CNTN4: variants seen among roughly 807,000 people sequenced by gnomAD.
The protein encoded by CNTN4 is contactin 4.
A neutral mutation model predicts 122.5 loss-of-function variants in CNTN4; 77 were observed. The observed-to-expected ratio is 0.63, with a 90% confidence interval of 0.52 to 0.76. CNTN4 has a LOEUF of 0.76. Ranked by LOEUF, CNTN4 falls within the 30% of genes least tolerant of loss-of-function variation. The pLI is 0.00. For missense variants in CNTN4, 1,256 were observed against 1,259.1 expected (o/e 1.00, Z 0.04); for synonymous variants, 512 against 447.0 (o/e 1.15, Z -1.83).
intron 8 of CNTN4, among the ~76,000 whole-genome samples, chr3:2,876,449 T>G (rs2093845882): frequency 6.6e-6 from 1 of 152,234 alleles, no homozygotes; most frequent in Non-Finnish European, 1.5e-5. Flanking sequence ...GTGGAACTTT[T>G]CATAAAACAA....
chr3:2,291,764 C>T (rs776810468), intron 2 of CNTN4, among the ~76,000 whole-genome samples: 7 of 151,966 alleles, frequency 4.6e-5, no homozygotes, highest in Non-Finnish European at 8.8e-5. Flanking sequence ...GATAGAGTCT[C>T]GCTCTGTTGT....
intron 3 of CNTN4, among the ~76,000 whole-genome samples, chr3:2,507,896 C>A (rs1002820030): frequency 6.6e-6 from 1 of 151,942 alleles, no homozygotes. Context: ...CACACACACA[C>A]CCCCTCAAAT....
chr3:2,531,481 A>G (rs1174774726), intron 3 of CNTN4, among the ~76,000 whole-genome samples: 3 of 152,186 alleles, frequency 2.0e-5, no homozygotes, highest in Non-Finnish European at 4.4e-5. Flanking sequence ...GTCTTTAGGG[A>G]TCCAAGCTGT....
At chr3:2,827,008 A>G (rs2093001815) in intron 7 of CNTN4, among the ~76,000 whole-genome samples, 1 of 152,032 alleles carries the variant, frequency 6.6e-6, no homozygotes, top group Non-Finnish European at 1.5e-5. Context: ...TAAACCTCCA[A>G]CCATAACATG....
intron 2 of CNTN4, among the ~76,000 whole-genome samples, chr3:2,237,435 T>C (rs966822396): frequency 2.0e-5 from 3 of 152,070 alleles, no homozygotes; most frequent in Non-Finnish European, 2.9e-5. Flanking sequence ...AACCCACCAC[T>C]GCACTCCAGA....
intron 4 of CNTN4, among the ~76,000 whole-genome samples, chr3:2,583,753 A>G (rs1260272805): frequency 1.8e-4 from 27 of 152,196 alleles, no homozygotes. Context: ...AATTTGTTAA[A>G]CACCTATATT....
chr3:2,205,568 G>A (rs2038303616), intron 2 of CNTN4, among the ~76,000 whole-genome samples: 2 of 151,914 alleles, frequency 1.3e-5, no homozygotes, highest in African/African-American at 4.8e-5. Context: ...TCAATCGTAA[G>A]CTCCCAAAGG....
chr3:2,197,851 T>C (rs575657919), intron 2 of CNTN4, among the ~76,000 whole-genome samples: 13 of 151,770 alleles, frequency 8.6e-5, no homozygotes, highest in Non-Finnish European at 1.9e-4. Context: ...CCCGTCTCTA[T>C]TAAAAATACA....
intron 4 of CNTN4, among the ~76,000 whole-genome samples, chr3:2,578,244 T>C (rs528101056): frequency 6.6e-6 from 1 of 152,300 alleles, no homozygotes; most frequent in East Asian, 1.9e-4. Flanking sequence ...AAGACTGAAG[T>C]AGGCTGTCTA....
chr3:2,672,191 G>A (rs2150385768), intron 4 of CNTN4, among the ~76,000 whole-genome samples: 2 of 152,324 alleles, frequency 1.3e-5, no homozygotes, highest in Admixed American at 6.5e-5. Flanking sequence ...CCTTTTGTTT[G>A]GCTATGCCCT....
At chr3:2,219,049 A>G (rs189892973) in intron 2 of CNTN4, among the ~76,000 whole-genome samples, 1 of 152,328 alleles carries the variant, frequency 6.6e-6, no homozygotes, top group African/African-American at 2.4e-5. Flanking sequence ...GCTTGCACAT[A>G]TTAGAGAGCT....
At chr3:2,572,806 A>C (rs572358573) in intron 4 of CNTN4, among the ~76,000 whole-genome samples, 5 of 152,170 alleles carry the variant, frequency 3.3e-5, no homozygotes, top group African/African-American at 7.2e-5. Context: ...TTAGAGCTCT[A>C]TTAACTGAGT....
chr3:2,750,344 G>A (rs1357904729), intron 6 of CNTN4, among the ~76,000 whole-genome samples: 2 of 152,002 alleles, frequency 1.3e-5, no homozygotes, highest in African/African-American at 2.4e-5. Context: ...TATTTCTATT[G>A]ATTATTAAAA....
At chr3:2,429,057 C>T (rs1340978306) in intron 3 of CNTN4, among the ~76,000 whole-genome samples, 1 of 152,168 alleles carries the variant, frequency 6.6e-6, no homozygotes, top group Non-Finnish European at 1.5e-5. Flanking sequence ...TATTACCGAT[C>T]GTCTGAAGCC....
chr3:3,031,617 A>C (rs1699173482), intron 16 of CNTN4, among the ~76,000 whole-genome samples: 1 of 152,148 alleles, frequency 6.6e-6, no homozygotes, highest in Non-Finnish European at 1.5e-5. Context: ...AACTGAGTAC[A>C]TTCCAAGCCT....
intron 2 of CNTN4, among the ~76,000 whole-genome samples, chr3:2,270,185 A>G (rs370196028): frequency 0.028 from 3,472 of 125,892 alleles, 921 homozygotes; most frequent in Middle Eastern, 0.057. Flanking sequence ...TCCTGACCTC[A>G]TGATCCACCC....
chr3:3,020,445 T>C (rs1698190031), intron 14 of CNTN4, among the ~76,000 whole-genome samples: 3 of 152,178 alleles, frequency 2.0e-5, no homozygotes, highest in African/African-American at 7.2e-5. Context: ...CATGAAAGGA[T>C]AGGATCACCA....
chr3:2,599,687 C>T (rs2149728154), intron 4 of CNTN4, among the ~76,000 whole-genome samples: 1 of 152,266 alleles, frequency 6.6e-6, no homozygotes, highest in Non-Finnish European at 1.5e-5. Context: ...TTTGTAATGG[C>T]AGAGAATCCC....
At chr3:2,158,978 C>G (rs1220075833) in intron 2 of CNTN4, among the ~76,000 whole-genome samples, 1 of 152,152 alleles carries the variant, frequency 6.6e-6, no homozygotes, top group Admixed American at 6.5e-5. Flanking sequence ...AGATTTGACT[C>G]ACAGGCTTTC....
Sources: allele counts gnomAD v4.1 joint callset (sites outside exome capture counted in the v4.1 genomes callset), GRCh38; gene constraint gnomAD v4.1.1; transcripts MANE v1.5; gene names NCBI Gene and HGNC (gene_info 2026-07-23, HGNC 2026-07-21).